Variants in FAM83G observed in about 807,000 individuals in gnomAD.
FAM83G encodes the protein protein FAM83G.
Under a neutral mutation model 61.5 loss-of-function variants are expected in FAM83G, and 38 were observed. The observed-to-expected ratio is 0.62, with a 90% confidence interval of 0.48 to 0.81. The LOEUF (loss-of-function observed/expected upper bound fraction) is 0.81, where lower values mean the gene tolerates loss of function less well. Ranked by LOEUF, FAM83G falls within the 30% of genes least tolerant of loss-of-function variation. The probability of loss-of-function intolerance (pLI) is 0.00; values close to 1 mark genes in which losing one functional copy is unlikely to be tolerated. For missense variants in FAM83G, 989 were observed against 1,133.6 expected, an observed-to-expected ratio of 0.87 and a Z score of 1.83; for synonymous variants, 470 against 476.1, an observed-to-expected ratio of 0.99 and a Z score of 0.17.
intron 3 of FAM83G, 133 bp from the exon 4 acceptor site, chr17:18,979,806 C>T: frequency 9.7e-7 from 1 of 1,027,172 alleles, no homozygotes; most frequent in South Asian, 1.5e-5. Context: ...GGCTGTAAGG[C>T]CTGGAGAAAG....
At chr17:18,993,600 A>C (rs2043487046) in intron 2 of FAM83G, among the ~76,000 whole-genome samples, 2 of 152,206 alleles carry the variant, frequency 1.3e-5, no homozygotes, top group South Asian at 4.1e-4. Flanking sequence ...AGCCTGCCCC[A>C]GAACCTGGAG....
At chr17:18,973,977 C>A (rs1406522069) in intron 5 of FAM83G, among the ~76,000 whole-genome samples, 2 of 149,510 alleles carry the variant, frequency 1.3e-5, no homozygotes, top group African/African-American at 4.9e-5. Context: ...ACTGCAACCT[C>A]CGCCTCCTGG....
At position 19,004,111 on chromosome 17, in the gene FAM83G, T is replaced by G. The variant is rs1216827335; in HGVS notation, c.-70A>C. Reference sequence around the variant, plus strand: ...GTCCAGCTCCTAGCTCCGGCCCAGCTGGGGCACCGCGCGCTCGGGGGCCTC... The same window carrying G: ...GTCCAGCTCCTAGCTCCGGCCCAGCGGGGGCACCGCGCGCTCGGGGGCCTC... On this transcript the variant is annotated 5_prime_UTR_variant, in exon 2 of 6. Transcript: ENST00000388995. This position sits in a 1 kb window ranked among gnomAD's most constrained non-coding sequence, Gnocchi z 5.4. 6.8e-7 allele frequency: 1 copy of G among 1,468,358 alleles called. No homozygotes were observed. Among genetic ancestry groups the G allele is most frequent in the Non-Finnish European group, 9.1e-7 (1 of 1,095,718 alleles). 91.0% of individuals were successfully genotyped at this position (1,468,358 alleles called of 1,614,324 possible).
chr17:18,977,219 A>G (rs1230391932), intron 5 of FAM83G: 1 of 625,204 alleles, frequency 1.6e-6, no homozygotes, highest in African/African-American at 1.8e-5. Flanking sequence ...TCAAGGCTGT[A>G]AATGAACGTC....
chr17:18,973,822 C>G (rs1419514298), intron 5 of FAM83G, among the ~76,000 whole-genome samples: 1 of 149,994 alleles, frequency 6.7e-6, no homozygotes, highest in Non-Finnish European at 1.5e-5. Context: ...CTCAGCCACC[C>G]AGGTAGCTGG....
chr17:18,978,290 T>C lies in FAM83G; in HGVS notation c.1376A>G (p.His459Arg). Residue 459 changes from histidine (H) to arginine (R), a missense_variant, in exon 5 of 6, where the codon CAC (histidine) becomes CGC (arginine). By Grantham distance (29) the His-to-Arg change is conservative. Around this residue, in one of 3 missense-constraint regions of FAM83G, gnomAD observed 574 missense variants for 645.1 expected, o/e 0.89. Transcript: ENST00000388995. Reference protein sequence around the residue: ...IRDTSQASAQHQLWKQSQDSR... With the variant: ...IRDTSQASAQRQLWKQSQDSR... ...GTCCTGGCTCTGCTTCCACAGCTGG[T>C]GCTGGGCGCTGGCCTGGGAGGTGTC... 1 of 1,610,890 alleles carries C rather than the reference T, an allele frequency of 6.2e-7. No homozygotes were observed. Among genetic ancestry groups the C allele is most frequent in the Non-Finnish European group, 8.5e-7 (1 of 1,178,596 alleles).
chr17:18,998,174 G>C (rs73981280), intron 2 of FAM83G, among the ~76,000 whole-genome samples: 8,035 of 152,340 alleles, frequency 0.053, 319 homozygotes, highest in East Asian at 0.14. Context: ...CTGCCAGGCT[G>C]GGGCCAACGT....
chr17:18,998,797 C>T (rs1390417510), intron 2 of FAM83G, among the ~76,000 whole-genome samples: 2 of 152,246 alleles, frequency 1.3e-5, no homozygotes, highest in African/African-American at 4.8e-5. Flanking sequence ...GTGCGCCCCA[C>T]AAGGTGTCAA....
At position 18,979,825 on chromosome 17, in the gene FAM83G, G is replaced by A. The variant is rs2043083766; in HGVS notation, c.691-152C>T. The A allele has an allele frequency of 6.8e-6, 6 of 875,964 alleles. No homozygotes were observed. The East Asian group carries it at 1.2e-4, about 18-fold the overall frequency. 54.3% of individuals were successfully genotyped at this position (875,964 alleles called of 1,614,324 possible). A position where few individuals can be genotyped will look rare whatever the true frequency, so the allele number is the denominator to read the frequency against. ...GTAAGGCCTGGAGAAAGGGGCTGGT[G>A]TGTCTGGGACTGCAGGGCTCAGGGT... On this transcript the variant is annotated intron_variant, in intron 3 of 5. Transcript: ENST00000388995.
chr17:18,986,217 G>A (rs1176058113), intron 3 of FAM83G: 1 of 152,232 alleles, frequency 6.6e-6, no homozygotes, highest in Non-Finnish European at 1.5e-5. Context: ...CCATTCCTAG[G>A]TTTATTGATA....
chr17:18,983,721 T>G (rs1195775922), intron 3 of FAM83G, among the ~76,000 whole-genome samples: 1 of 152,090 alleles, frequency 6.6e-6, no homozygotes, highest in Non-Finnish European at 1.5e-5. Context: ...AGAGGGGTGG[T>G]CAACACTCAC....
In FAM83G at chr17:18,968,893, C is replaced by G; in HGVS notation, c.*2466G>C. 1.6e-6 allele frequency: 1 copy of G among 635,266 alleles called. No homozygotes were observed. Among genetic ancestry groups the G allele is most frequent in the Non-Finnish European group, 2.7e-6 (1 of 370,672 alleles). 39.4% of individuals were successfully genotyped at this position (635,266 alleles called of 1,614,324 possible). A position where few individuals can be genotyped will look rare whatever the true frequency, so the allele number is the denominator to read the frequency against. ...ACGGCCAGGTCTTCCCCCAACCTCA[C>G]AATGGCCCCGTGATGCAGGCAGGCA... On this transcript the variant is annotated 3_prime_UTR_variant, in exon 6 of 6. Transcript: ENST00000388995. This position sits in a 1 kb window ranked among gnomAD's most constrained non-coding sequence, Gnocchi z 4.1.
intron 2 of FAM83G, among the ~76,000 whole-genome samples, chr17:18,999,005 C>T (rs750317448): frequency 2.0e-5 from 3 of 152,216 alleles, no homozygotes; most frequent in Non-Finnish European, 4.4e-5. Context: ...TACTGCCAGG[C>T]ACGGTGGCTC....
Position 18,969,923 on chromosome 17 carries a change from G to C in FAM83G, c.*1436C>G, listed in dbSNP as rs2042799519. ...TCTGGAACAGATAGGAAACTCACAG[G>C]GCTGCCCGGAGAGAGCGTGAGCTCA... On this transcript the variant is annotated 3_prime_UTR_variant, in exon 6 of 6. Transcript: ENST00000388995. The C allele has an allele frequency of 6.5e-6, 1 of 153,870 alleles. No homozygotes were observed. Among genetic ancestry groups the C allele is most frequent in the Non-Finnish European group, 1.4e-5 (1 of 69,230 alleles). 9.5% of individuals were successfully genotyped at this position (153,870 alleles called of 1,614,324 possible). A position where few individuals can be genotyped will look rare whatever the true frequency, so the allele number is the denominator to read the frequency against.
chr17:18,986,523 C>CT (rs1188475053), intron 3 of FAM83G, among the ~76,000 whole-genome samples: 2 of 152,218 alleles, frequency 1.3e-5, no homozygotes, highest in Non-Finnish European at 2.9e-5. Context: ...GGAGCCTCAT[C>CT]TGAATGACCT....
At chr17:18,982,885 T>C (rs1430893168) in intron 3 of FAM83G, among the ~76,000 whole-genome samples, 4 of 152,182 alleles carry the variant, frequency 2.6e-5, no homozygotes, top group Non-Finnish European at 5.9e-5. Context: ...CACGCCTCAG[T>C]TTTCTCATCT....
In FAM83G at chr17:18,983,005, C is replaced by T. The variant is rs560102447; in HGVS notation, c.691-3332G>A. Reference sequence around the variant, plus strand: ...AGGTGTCCAGCTCCCAGTGGGTGCCCCATGAACTGGAAGTGGCGCAGTGGG... The same window carrying T: ...AGGTGTCCAGCTCCCAGTGGGTGCCTCATGAACTGGAAGTGGCGCAGTGGG... On this transcript the variant is annotated intron_variant, in intron 3 of 5. Transcript: ENST00000388995. Among the ~76,000 whole-genome samples the T allele has an allele frequency of 4.5e-4, 68 of 152,322 alleles. No individual in the cohort carries two copies. The South Asian group carries it at 0.014, about 31-fold the overall frequency.
chr17:18,968,968 A>G lies in FAM83G; in HGVS notation c.*2391T>C. On this transcript the variant is annotated 3_prime_UTR_variant, in exon 6 of 6. Transcript: ENST00000388995. This position sits in a 1 kb window ranked among gnomAD's most constrained non-coding sequence, Gnocchi z 4.1. ...ATCCACAGGCCACCGAGGCCCAGAG[A>G]GGGCCTTGCCCGAGGTCACCCAGGG... The G allele has an allele frequency of 7.5e-7, 1 of 1,338,430 alleles. No homozygotes were observed. The highest frequency in any genetic ancestry group is 1.5e-5 in the African/African-American group (1 of 68,926). 82.9% of individuals were successfully genotyped at this position (1,338,430 alleles called of 1,614,324 possible). A position where few individuals can be genotyped will look rare whatever the true frequency, so the allele number is the denominator to read the frequency against.
chr17:18,973,488 C>T (rs1360040406), intron 5 of FAM83G, among the ~76,000 whole-genome samples: 1 of 152,226 alleles, frequency 6.6e-6, no homozygotes, highest in African/African-American at 2.4e-5. Flanking sequence ...TGGGCTGGGT[C>T]TGCCTGGTGG....
Sources: gnomAD v4.1 joint callset for allele counts (sites outside exome capture counted in the v4.1 genomes callset) on GRCh38, gnomAD v4.1.1 for gene constraint, gnomAD v4.1.1 regional missense constraint, Gnocchi (gnomAD v3.1) non-coding constraint, MANE v1.5 for transcripts, NCBI Gene and HGNC (gene_info 2026-07-23, HGNC 2026-07-21) for gene names.